The following NAV3 variants were observed in gnomAD, a reference collection of about 807,000 sequenced individuals.
NAV3 encodes the protein neuron navigator 3, also known as pore membrane and/or filament interacting like protein 1.
Under a neutral mutation model 244.7 loss-of-function variants are expected in NAV3, and 87 were observed. That is an observed-to-expected ratio of 0.36 (90% CI 0.30 to 0.42). NAV3 has a LOEUF of 0.42. Among genes scored for constraint, NAV3 ranks in the 20% least tolerant of loss-of-function variants. The pLI is 1.00. For synonymous variants in NAV3, 1,126 were observed against 1,042.2 expected (o/e 1.08, Z -1.55); for missense variants, 2,663 against 2,893.3 (o/e 0.92, Z 1.83).
At chr12:77,604,535 G>C (rs998882955) in intron 2 of NAV3, among the ~76,000 whole-genome samples, 11 of 151,582 alleles carry the variant, frequency 7.3e-5, no homozygotes, top group Non-Finnish European at 1.2e-4. Flanking sequence ...TTATTTTCCT[G>C]CTAGGAACCA....
rs769978833 is a variant in NAV3 at position 78,007,263 on chromosome 12, T to A, written c.1725T>A (p.Ser575Arg). Reference sequence around the variant, plus strand: ...AGCCTATAACCATGGAGAAAGCAAGTGCTTCTAGTTGTCCTGCCCCTTTGG... The same window carrying A: ...AGCCTATAACCATGGAGAAAGCAAGAGCTTCTAGTTGTCCTGCCCCTTTGG... ...LSKPITMEKASASSCPAPLEG... is the reference protein window; with the variant it reads ...LSKPITMEKARASSCPAPLEG... The change falls in exon 8 of 40, where the codon AGT (serine) becomes AGA (arginine). Residue 575 changes from serine to arginine, a missense_variant. Around this residue, in one of 6 missense-constraint regions of NAV3, gnomAD observed 1,521 missense variants for 1,497.0 expected, o/e 1.02. Transcript: ENST00000397909. 2.9e-5 allele frequency: 47 copies of A among 1,614,042 alleles called. No homozygotes were observed. Among genetic ancestry groups the A allele is most frequent in the Non-Finnish European group, 3.4e-5 (40 of 1,180,022 alleles).
rs1164633594 is a variant in NAV3 at position 78,119,460 on chromosome 12, T to G, written c.3264T>G (p.Ser1088Arg). Residue 1088 changes from serine (S) to arginine (R), a missense_variant, in exon 15 of 40, where the codon AGT becomes AGG. Ser to Arg is a moderately radical substitution (Grantham distance 110, BLOSUM62 -1). Coordinates refer to ENST00000397909, the MANE Select transcript of NAV3 (RefSeq NM_001024383.2). The stretch of plus-strand genomic sequence containing the variant: ...CCAGCAGTGGAGCAACCATAACAAG[T>G]GGCTCTGCAACACTGGGTAAAATTC... ...MITSSGATIT[S>R]GSATLGKIPK... 1.2e-6 allele frequency: 2 copies of G among 1,614,146 alleles called. No individual in the cohort carries two copies. Among genetic ancestry groups the G allele is most frequent in the Non-Finnish European group, 1.7e-6 (2 of 1,180,018 alleles).
At chr12:78,077,140 G>T (rs1293516027) in intron 12 of NAV3, among the ~76,000 whole-genome samples, 4 of 151,874 alleles carry the variant, frequency 2.6e-5, no homozygotes, top group Non-Finnish European at 5.9e-5. Flanking sequence ...TTCTTCTTAA[G>T]TTTTTTTCAT....
chr12:77,986,762 C>A (rs1414377988), intron 5 of NAV3, among the ~76,000 whole-genome samples: 1 of 152,044 alleles, frequency 6.6e-6, no homozygotes, highest in Non-Finnish European at 1.5e-5. Flanking sequence ...TTGATGAAGG[C>A]ATAGAGAGGA....
intron 34 of NAV3, among the ~76,000 whole-genome samples, chr12:78,196,491 A>G (rs1046555144): frequency 2.0e-5 from 3 of 151,990 alleles, no homozygotes; most frequent in Admixed American, 6.6e-5. Flanking sequence ...TATTATGGAA[A>G]TGTTCTTACT....
At chr12:78,061,507 G>T (rs1015107002) in intron 12 of NAV3, among the ~76,000 whole-genome samples, 11 of 152,040 alleles carry the variant, frequency 7.2e-5, no homozygotes, top group African/African-American at 2.4e-4. Context: ...AACTTGAGCT[G>T]CTTGCATAAA....
chr12:77,794,461 C>T (rs1312357360), intron 2 of NAV3, among the ~76,000 whole-genome samples: 2 of 152,174 alleles, frequency 1.3e-5, no homozygotes, highest in Non-Finnish European at 2.9e-5. Context: ...GGCGGTTGAT[C>T]TAGAAGATTA....
intron 2 of NAV3, among the ~76,000 whole-genome samples, chr12:77,605,981 T>C (rs1215419398): frequency 6.6e-6 from 1 of 152,230 alleles, no homozygotes. Flanking sequence ...TACAGGAATA[T>C]ATTTTAACAT....
chr12:77,672,059 G>A (rs1391332152), intron 2 of NAV3, among the ~76,000 whole-genome samples: 1 of 151,896 alleles, frequency 6.6e-6, no homozygotes, highest in East Asian at 1.9e-4. Flanking sequence ...AAATCAGCAA[G>A]AAACAAACAA....
chr12:77,928,242 A>AAAAAG (rs753246963), intron 1 of NAV3, among the ~76,000 whole-genome samples: 8,429 of 136,614 alleles, frequency 0.062, 409 homozygotes, highest in East Asian at 0.13. Flanking sequence ...AAAAAAAAAA[A>AAAAAG]AGAGAGAGAG....
At chr12:77,705,585 G>A (rs1333831073) in intron 2 of NAV3, among the ~76,000 whole-genome samples, 1 of 151,408 alleles carries the variant, frequency 6.6e-6, no homozygotes. Context: ...GCTACATCAG[G>A]CACACTTTCG....
chr12:78,002,949 G>A (rs1328165496), intron 7 of NAV3, among the ~76,000 whole-genome samples: 2 of 151,636 alleles, frequency 1.3e-5, no homozygotes, highest in Non-Finnish European at 2.9e-5. Context: ...TGTCCACAAA[G>A]TATATATGCC....
chr12:77,889,333 G>A (rs926927305), intron 1 of NAV3, among the ~76,000 whole-genome samples: 4 of 152,152 alleles, frequency 2.6e-5, no homozygotes, highest in Admixed American at 6.6e-5. Context: ...TGCACCATCA[G>A]CTCTCCTGCT....
chr12:77,963,415 A>G (rs1274492919), intron 3 of NAV3, among the ~76,000 whole-genome samples: 3 of 152,178 alleles, frequency 2.0e-5, no homozygotes, highest in Non-Finnish European at 4.4e-5. Context: ...ACTTCTTTTT[A>G]CTGTAAAATG....
intron 2 of NAV3, among the ~76,000 whole-genome samples, chr12:77,653,298 T>G (rs1268779048): frequency 6.6e-6 from 1 of 152,168 alleles, no homozygotes; most frequent in African/African-American, 2.4e-5. Flanking sequence ...TACTGACAGG[T>G]GCTAATTGAG....
In NAV3 at chr12:78,024,215, A is replaced by G. The variant is rs536968656; in HGVS notation, c.2023+2353A>G. Among the ~76,000 whole-genome samples, 3 of 152,204 alleles carry G rather than the reference A, an allele frequency of 2.0e-5. No homozygotes were observed. The East Asian group carries it at 5.8e-4, about 29-fold the overall frequency. On this transcript the variant is annotated intron_variant, in intron 9 of 39. Transcript: ENST00000397909. ...TTTTATTTTTATATATCCTAACTCC[A>G]TTGCCTCTCTCTCACTTAATTGTAC...
At chr12:77,926,525 G>C (rs1000475771) in intron 1 of NAV3, among the ~76,000 whole-genome samples, 1 of 152,180 alleles carries the variant, frequency 6.6e-6, no homozygotes, top group Non-Finnish European at 1.5e-5. Context: ...TGCCATGGCT[G>C]TTTTATTACT....
chr12:78,116,822 A>G lies in NAV3; in HGVS notation c.2687A>G (p.Asn896Ser). Residue 896 changes from asparagine (N) to serine (S), a missense_variant, in exon 13 of 40, where the codon AAC becomes AGC. Coordinates refer to ENST00000397909, the MANE Select transcript of NAV3 (RefSeq NM_001024383.2). The stretch of plus-strand genomic sequence containing the variant: ...AGTGGTCTCAGTGACACCCTTGATA[A>G]CATCAGCACTGATGACCTGAACACC... ...VSSGLSDTLD[N>S]ISTDDLNTTS... 8 of 1,608,012 alleles carry G rather than the reference A, an allele frequency of 5.0e-6. No individual in the cohort carries two copies. The highest frequency in any genetic ancestry group is 6.8e-6 in the Non-Finnish European group (8 of 1,176,242).
intron 30 of NAV3, among the ~76,000 whole-genome samples, chr12:78,184,743 AC>A (rs2139791056): frequency 6.6e-6 from 1 of 151,778 alleles, no homozygotes; most frequent in South Asian, 2.1e-4. Context: ...TCCTCTTTTC[AC>A]CAGGAACATG....
Sources: allele counts gnomAD v4.1 joint callset (sites outside exome capture counted in the v4.1 genomes callset), GRCh38; gene constraint gnomAD v4.1.1; regional missense constraint gnomAD v4.1.1; transcripts MANE v1.5; gene names NCBI Gene and HGNC (gene_info 2026-07-23, HGNC 2026-07-21).